LY9: variants seen among roughly 807,000 people sequenced by gnomAD.
LY9 encodes the protein lymphocyte antigen 9, also known as T-lymphocyte surface antigen Ly-9.
Under a neutral mutation model 64.6 loss-of-function variants are expected in LY9, and 59 were observed. The ratio of observed to expected loss-of-function variants is 0.91; its 90% CI spans 0.74 to 1.13. LY9 has a LOEUF of 1.13. LY9 is among the 50% of genes most tolerant of loss of function. LY9 has a pLI of 0.00. For synonymous variants in LY9, 281 were observed against 308.5 expected (o/e 0.91, Z 0.93); for missense variants, 789 against 797.2 (o/e 0.99, Z 0.12).
chr1:160,802,770 C>A, intron 2 of LY9: 1 of 672,174 alleles, frequency 1.5e-6, no homozygotes, highest in Middle Eastern at 8.0e-4. Context: ...TTGGATTTGT[C>A]AAAGGTCAAT....
chr1:160,799,608 AT>A (rs1666246771), intron 1 of LY9, 144 bp from the exon 2 acceptor site: 3 of 614,212 alleles, frequency 4.9e-6, no homozygotes, highest in Non-Finnish European at 8.6e-6. Context: ...GTGCTAGGCA[AT>A]TGACCTAGAA....
At chr1:160,811,271 G>A (rs1190278714) in intron 2 of LY9, 2 of 152,130 alleles carry the variant, frequency 1.3e-5, no homozygotes, top group African/African-American at 4.8e-5. Context: ...AATCCCAGAA[G>A]CCTGACACAC....
chr1:160,817,634 C>T (rs1668059617), intron 5 of LY9, among the ~76,000 whole-genome samples: 1 of 152,184 alleles, frequency 6.6e-6, no homozygotes, highest in East Asian at 1.9e-4. Context: ...ACAATCTTCG[C>T]AACAATCCTA....
chr1:160,824,030 C>G, intron 8 of LY9, 151 bp from the exon 9 acceptor site: 2 of 938,566 alleles, frequency 2.1e-6, no homozygotes, highest in Non-Finnish European at 3.3e-6. Context: ...TGTTGGAGAA[C>G]CAGAGGCACC....
intron 2 of LY9, among the ~76,000 whole-genome samples, chr1:160,804,901 G>A (rs542279548): frequency 4.6e-5 from 7 of 151,930 alleles, no homozygotes; most frequent in African/African-American, 1.2e-4. Flanking sequence ...AGTCTCTGAC[G>A]GTCTTTTGGA....
intron 2 of LY9, chr1:160,801,829 G>GA: frequency 6.2e-7 from 1 of 1,614,150 alleles, no homozygotes; most frequent in Non-Finnish European, 8.5e-7. Flanking sequence ...GTCATCGAGG[G>GA]TGACCACCGC....
rs150208343 is a variant in LY9, at chr1:160,816,714, C to T, written c.1193C>T (p.Pro398Leu). ...GGNTVMYTWT[P>L]LQKEAVVSQG... is the part of the protein sequence containing the mutation. Reference sequence around the variant, plus strand: ...AACACTGTCATGTACACATGGACCCCGCTGCAGAAGGAAGCTGTTGTGTCC... The same window carrying T: ...AACACTGTCATGTACACATGGACCCTGCTGCAGAAGGAAGCTGTTGTGTCC... Residue 398 changes from proline to leucine, a missense_variant, in exon 5 of 10, where the codon CCG becomes CTG. By Grantham distance (98) the Pro-to-Leu change is moderately conservative. Coordinates refer to ENST00000263285, the MANE Select transcript of LY9 (RefSeq NM_002348.4). 1.2e-5 allele frequency: 19 copies of T among 1,614,066 alleles called. No homozygotes were observed. The highest frequency in any genetic ancestry group is 6.6e-5 in the South Asian group (6 of 91,086).
chr1:160,813,639 AG>A lies in LY9; in HGVS notation c.459del (p.Gln153HisfsTer9). 1 of 1,613,048 alleles carries A rather than the reference AG, an allele frequency of 6.2e-7. No homozygotes were observed. The highest frequency in any genetic ancestry group is 1.1e-5 in the South Asian group (1 of 90,978). On this transcript the variant is annotated frameshift_variant, in exon 3 of 10. Transcript: ENST00000263285. LOFTEE classifies it high-confidence loss of function. Reference sequence around the variant, plus strand: ...TCCCATGCTGTTGTCCCTGCAGAGCAGCTGCAGGAGCCCCAAGTCACCATGA... The same window carrying A: ...TCCCATGCTGTTGTCCCTGCAGAGCACTGCAGGAGCCCCAAGTCACCATGA... ...EEEFTLFVYE[Q>X]LQEPQVTMKS...
At chr1:160,803,000 G>A (rs919311849) in intron 2 of LY9, among the ~76,000 whole-genome samples, 4 of 151,346 alleles carry the variant, frequency 2.6e-5, no homozygotes, top group Non-Finnish European at 5.9e-5. Flanking sequence ...TTTTTTTTCT[G>A]GCCAGGCACA....
chr1:160,819,220 G>A, intron 6 of LY9, 101 bp from the exon 7 acceptor site: 1 of 892,350 alleles, frequency 1.1e-6, no homozygotes, highest in Non-Finnish European at 1.9e-6. Flanking sequence ...CCCTGTCTAT[G>A]TCCCAGAAGT....
chr1:160,821,169 A>AAC (rs71090330), intron 7 of LY9, among the ~76,000 whole-genome samples: 1 of 150,604 alleles, frequency 6.6e-6, no homozygotes, highest in Admixed American at 6.7e-5. Context: ...AAAAAAAAAA[A>AAC]CCATATATTC....
At chr1:160,802,199 G>C (rs2101747163) in intron 2 of LY9, 1 of 1,179,056 alleles carries the variant, frequency 8.5e-7, no homozygotes, top group East Asian at 4.4e-5. Context: ...TTTGTGCTTG[G>C]TCTTTCTCCG....
intron 2 of LY9, chr1:160,802,079 G>A: frequency 1.5e-6 from 2 of 1,375,210 alleles, no homozygotes; most frequent in Non-Finnish European, 1.9e-6. Flanking sequence ...CCCACCCGCC[G>A]CCTCCCATGG....
At chr1:160,815,712 T>G (rs1557808663) in intron 4 of LY9, among the ~76,000 whole-genome samples, 1 of 152,164 alleles carries the variant, frequency 6.6e-6, no homozygotes, top group Non-Finnish European at 1.5e-5. Flanking sequence ...TAAACTATTA[T>G]CATTTTGAAT....
intron 9 of LY9, among the ~76,000 whole-genome samples, chr1:160,827,484 T>C (rs1668918457): frequency 6.6e-6 from 1 of 152,192 alleles, no homozygotes; most frequent in Non-Finnish European, 1.5e-5. Context: ...GCCCCTTCAT[T>C]GTCATTTTTT....
Position 160,816,898 on chromosome 1 carries a change from A to G in LY9, c.1342+35A>G, listed in dbSNP as rs60615385. The G allele has an allele frequency of 7.4e-3, 11,953 of 1,608,826 alleles. 748 individuals carry two copies. In the African/African-American group the frequency reaches 0.14, roughly 19 times the overall value. ...CATCTCTATTTACTCAGGTCACAGG[A>G]CCTTGGGGCCTCCAAGAGTTTGCAT... On this transcript the variant is annotated intron_variant, in intron 5 of 9. Transcript: ENST00000263285.
intron 7 of LY9, among the ~76,000 whole-genome samples, chr1:160,821,874 T>G (rs1454925777): frequency 1.3e-5 from 2 of 152,342 alleles, no homozygotes; most frequent in African/African-American, 4.8e-5. Flanking sequence ...CAAGACTAGC[T>G]GTAGTCAAAT....
chr1:160,827,265 C>T (rs917582285), intron 9 of LY9, among the ~76,000 whole-genome samples: 11 of 152,214 alleles, frequency 7.2e-5, no homozygotes, highest in Non-Finnish European at 1.0e-4. Flanking sequence ...TGGGTCAGCA[C>T]AGAGCTTATC....
intron 5 of LY9, 147 bp downstream of exon 5, chr1:160,817,010 C>T (rs780364816): frequency 1.0e-5 from 7 of 684,374 alleles, no homozygotes; most frequent in Admixed American, 2.8e-5. Flanking sequence ...ATGAGAGTCA[C>T]GCATGTGATT....
Sources: allele counts gnomAD v4.1 joint callset (sites outside exome capture counted in the v4.1 genomes callset), GRCh38; gene constraint gnomAD v4.1.1; transcripts MANE v1.5; gene names NCBI Gene and HGNC (gene_info 2026-07-23, HGNC 2026-07-21).